Variants in DOCK5 observed in about 807,000 individuals in gnomAD.
DOCK5 encodes dedicator of cytokinesis protein 5.
Under a neutral mutation model 251.8 loss-of-function variants are expected in DOCK5, and 142 were observed. The observed-to-expected ratio is 0.56, with a 90% CI of 0.49 to 0.65. DOCK5 has a LOEUF of 0.65. Among genes scored for constraint, DOCK5 ranks in the 30% least tolerant of loss-of-function variants. The pLI, the probability that DOCK5 is intolerant of heterozygous loss-of-function variation, is 0.00. For synonymous variants in DOCK5, 842 were observed against 835.5 expected (o/e 1.01, Z -0.13); for missense variants, 2,111 against 2,312.3 (o/e 0.91, Z 1.79).
rs1276685581 is a variant in DOCK5 at position 25,346,285 on chromosome 8, G to A, written c.2754+674G>A. On this transcript the variant is annotated intron_variant, in intron 26 of 51. Transcript: ENST00000276440. The stretch of plus-strand genomic sequence containing the variant: ...AAGACTGACCAGCCTGGGCAACTTA[G>A]TAAGACTTTGTCTCTCTAAAAAATA... Among the ~76,000 whole-genome samples the A allele has an allele frequency of 5.3e-5, 8 of 151,932 alleles. No individual in the cohort carries two copies. The East Asian group carries it at 1.6e-3, about 30-fold the overall frequency.
intron 27 of DOCK5, among the ~76,000 whole-genome samples, chr8:25,354,296 C>T (rs1011484161): frequency 1.2e-4 from 19 of 152,186 alleles, no homozygotes; most frequent in African/African-American, 4.6e-4. Context: ...TAAGAAAAGA[C>T]AATGTACCAT....
Position 25,399,980 on chromosome 8 carries a change from C to T in DOCK5, c.4774C>T (p.Leu1592=). Residue 1592 remains leucine (L), a synonymous_variant, in exon 46 of 52, where the codon CTA becomes TTA. Transcript: ENST00000276440. The part of the protein sequence containing the change: ...DQEKVELLKR[L]IALQMPLLTE... The stretch of plus-strand genomic sequence containing the variant: ...GGAGAAGGTTGAGCTGCTAAAGCGA[C>T]TAATAGCATTACAGGTACAGGACGG... 1 of 1,613,578 alleles carries T rather than the reference C, an allele frequency of 6.2e-7. No homozygotes were observed. Among genetic ancestry groups the T allele is most frequent in the Middle Eastern group, 1.6e-4 (1 of 6,062 alleles).
rs772992188 is a variant in DOCK5, at chr8:25,395,874, C to T, written c.4704+155C>T. On this transcript the variant is annotated intron_variant, in intron 45 of 51. Transcript: ENST00000276440. ...CAAGTGAAGTGAATGAAACGATTGT[C>T]CCTGACTTCTTAGAGACTATCAGCA... 8.3e-6 allele frequency: 8 copies of T among 958,890 alleles called. No individual in the cohort carries two copies. In the Admixed American group the frequency reaches 1.6e-4, roughly 19 times the overall value. The allele number at this position is 958,890 out of a possible 1,614,324, so 59.4% of individuals were successfully genotyped here. A position where few individuals can be genotyped will look rare whatever the true frequency, so the allele number is the denominator to read the frequency against.
chr8:25,264,092 G>T lies in DOCK5; in HGVS notation c.128-4753G>T, dbSNP rs144945810. 4.3e-3 allele frequency among the ~76,000 whole-genome samples: 655 copies of T among 152,014 alleles called. 24 individuals carry two copies. Among genetic ancestry groups the T allele is most frequent in the African/African-American group, 0.015 (631 of 41,300 alleles). Reference sequence around the variant, plus strand: ...CATATATATCATTCGTCTGGGTGCGGTGGCTCATGCCTATAATCCTAGCAC... The same window carrying T: ...CATATATATCATTCGTCTGGGTGCGTTGGCTCATGCCTATAATCCTAGCAC... On this transcript the variant is annotated intron_variant, in intron 2 of 51. Coordinates refer to ENST00000276440, the MANE Select transcript of DOCK5 (RefSeq NM_024940.8).
intron 48 of DOCK5, among the ~76,000 whole-genome samples, chr8:25,405,109 T>G (rs1801501020): frequency 6.6e-6 from 1 of 152,164 alleles, no homozygotes; most frequent in Non-Finnish European, 1.5e-5. Context: ...TTCTCCTAAT[T>G]TCTCCTTTAT....
chr8:25,268,140 C>T (rs1473464082), intron 2 of DOCK5, among the ~76,000 whole-genome samples: 2 of 151,950 alleles, frequency 1.3e-5, no homozygotes, highest in East Asian at 1.9e-4. Flanking sequence ...GGATTACAAG[C>T]GTGAGCCACC....
chr8:25,263,042 T>A (rs1470239382), intron 2 of DOCK5, among the ~76,000 whole-genome samples: 1 of 151,960 alleles, frequency 6.6e-6, no homozygotes, highest in Non-Finnish European at 1.5e-5. Context: ...CTTTCTTGAA[T>A]AATATGTTTT....
At chr8:25,369,190 C>T (rs1401005695) in intron 33 of DOCK5, among the ~76,000 whole-genome samples, 3 of 152,174 alleles carry the variant, frequency 2.0e-5, no homozygotes, top group Non-Finnish European at 2.9e-5. Context: ...ATTGAAAGGA[C>T]GATTTCGCAT....
intron 2 of DOCK5, among the ~76,000 whole-genome samples, chr8:25,254,099 C>T (rs142067984): frequency 9.2e-5 from 14 of 152,312 alleles, no homozygotes; most frequent in East Asian, 3.9e-4. Context: ...ATATAGTCAG[C>T]TGACCTTTGA....
At chr8:25,243,275 T>G (rs949638810) in intron 1 of DOCK5, among the ~76,000 whole-genome samples, 1 of 152,060 alleles carries the variant, frequency 6.6e-6, no homozygotes, top group Non-Finnish European at 1.5e-5. Flanking sequence ...GCAATTCACA[T>G]GAAATTATTA....
Position 25,275,264 on chromosome 8 carries a change from T to C in DOCK5, c.169-122T>C, listed in dbSNP as rs539482111. On this transcript the variant is annotated intron_variant, in intron 3 of 51. Coordinates refer to ENST00000276440, the MANE Select transcript of DOCK5 (RefSeq NM_024940.8). ...CGTAAGTGGTGTCCTGCCAACCTGA[T>C]CTCAGGAGTTTAGCTATTGCCTGGG... 1.2e-4 allele frequency: 80 copies of C among 693,644 alleles called. 1 individual carries two copies. In the East Asian group the frequency reaches 2.3e-3, roughly 20 times the overall value. 43.0% of individuals were successfully genotyped at this position (693,644 alleles called of 1,614,324 possible).
chr8:25,384,693 C>T (rs1043404831), intron 40 of DOCK5, among the ~76,000 whole-genome samples: 7 of 151,902 alleles, frequency 4.6e-5, no homozygotes, highest in African/African-American at 1.7e-4. Context: ...CTCCTGACCT[C>T]AGTTGATCCC....
At position 25,254,786 on chromosome 8, in the gene DOCK5, AACAAAAC is replaced by A. The variant is rs1178454551; in HGVS notation, c.127+11031_127+11037del. Among the ~76,000 whole-genome samples the A allele has an allele frequency of 2.5e-3, 320 of 129,378 alleles. 85 individuals are homozygous for A. The highest frequency in any genetic ancestry group is 0.01 in the African/African-American group (288 of 28,336). 84.9% of individuals were successfully genotyped at this position (129,378 alleles called of 152,430 possible). On this transcript the variant is annotated intron_variant, in intron 2 of 51. Coordinates refer to ENST00000276440, the MANE Select transcript of DOCK5 (RefSeq NM_024940.8). ...AAGACTTTGTCTCAAAAAAAAACAA[AACAAAAC>A]AAAAAAAAAAAACATTTGATAAAGG...
chr8:25,319,811 G>T (rs371011994), intron 15 of DOCK5, 135 bp downstream of exon 15: 61 of 569,826 alleles, frequency 1.1e-4, no homozygotes, highest in African/African-American at 1.1e-3. Flanking sequence ...AGTAAGAAAT[G>T]AATCAGTAAT....
chr8:25,220,841 T>A (rs1275855608), intron 1 of DOCK5, among the ~76,000 whole-genome samples: 1 of 152,094 alleles, frequency 6.6e-6, no homozygotes, highest in African/African-American at 2.4e-5. Context: ...TGACTTCAGG[T>A]GATCCGCCCA....
chr8:25,245,151 G>A (rs1263778613), intron 2 of DOCK5, among the ~76,000 whole-genome samples: 1 of 152,120 alleles, frequency 6.6e-6, no homozygotes, highest in African/African-American at 2.4e-5. Context: ...CCACCTTCCG[G>A]GTTCATGCCA....
chr8:25,214,393 G>C (rs1224918536), intron 1 of DOCK5, among the ~76,000 whole-genome samples: 1 of 152,134 alleles, frequency 6.6e-6, no homozygotes, highest in Non-Finnish European at 1.5e-5. Flanking sequence ...TTGGGGTCAA[G>C]GGATCCTGGG....
chr8:25,349,322 A>G (rs1213895321), intron 26 of DOCK5, among the ~76,000 whole-genome samples: 1 of 152,200 alleles, frequency 6.6e-6, no homozygotes, highest in Non-Finnish European at 1.5e-5. Context: ...CAGACTATGA[A>G]AAACAGGGAA....
intron 2 of DOCK5, among the ~76,000 whole-genome samples, chr8:25,255,406 A>G (rs1407128830): frequency 1.3e-5 from 2 of 152,218 alleles, no homozygotes; most frequent in African/African-American, 2.4e-5. Context: ...ATAAAAAGAC[A>G]TAGATATGCA....
Sources: allele counts gnomAD v4.1 joint callset (sites outside exome capture counted in the v4.1 genomes callset), GRCh38; gene constraint gnomAD v4.1.1; transcripts MANE v1.5; gene names NCBI Gene and HGNC (gene_info 2026-07-23, HGNC 2026-07-21).